The following PFKFB3 variants were observed in gnomAD, a reference collection of about 807,000 sequenced individuals.
PFKFB3 encodes the protein 6-phosphofructo-2-kinase/fructose-2,6-biphosphatase 3, also known as 6-phosphofructo-2-kinase/fructose-2,6-bisphosphatase 3.
In PFKFB3, 33 loss-of-function variants were observed where a neutral mutation model predicts 68.0. The ratio of observed to expected loss-of-function variants is 0.49; its 90% CI spans 0.37 to 0.65. The LOEUF (loss-of-function observed/expected upper bound fraction) is 0.65, where lower values mean the gene tolerates loss of function less well. Among genes scored for constraint, PFKFB3 ranks in the 30% least tolerant of loss-of-function variants. The pLI, the probability that PFKFB3 is intolerant of heterozygous loss-of-function variation, is 0.00. For missense variants in PFKFB3, 586 were observed against 712.2 expected, an observed-to-expected ratio of 0.82 and a Z score of 2.02; for synonymous variants, 315 against 288.2, an observed-to-expected ratio of 1.09 and a Z score of -0.94.
the PFKFB3 span, among the ~76,000 whole-genome samples, chr10:6,261,893 A>C: frequency 1.3e-5 from 2 of 152,132 alleles, no homozygotes; most frequent in African/African-American, 4.8e-5. Flanking sequence ...TATACTCAGG[A>C]AGCTGAGGCA....
At chr10:6,145,040 GC>G (rs1239033131) in intron 1 of PFKFB3, 8 of 1,317,686 alleles carry the variant, frequency 6.1e-6, no homozygotes, top group South Asian at 2.0e-5. Flanking sequence ...CGCGGCCCAC[GC>G]CCCCAGCGCG....
chr10:6,186,322 G>A (rs1295248497), intron 1 of PFKFB3, among the ~76,000 whole-genome samples: 1 of 152,130 alleles, frequency 6.6e-6, no homozygotes, highest in Non-Finnish European at 1.5e-5. Flanking sequence ...CTCAGCAAAG[G>A]GGTAGATGGG....
chr10:6,267,035 G>T, the PFKFB3 span, among the ~76,000 whole-genome samples: 3 of 152,192 alleles, frequency 2.0e-5, no homozygotes, highest in Non-Finnish European at 4.4e-5. Context: ...TTGTCATGTT[G>T]TTTTTTAAAA....
chr10:6,267,284 G>C, the PFKFB3 span, among the ~76,000 whole-genome samples: 1 of 152,238 alleles, frequency 6.6e-6, no homozygotes, highest in African/African-American at 2.4e-5. Flanking sequence ...TTCACCGCTT[G>C]ATAACGCTCA....
At chr10:6,225,717 C>T (rs1361413897) in intron 13 of PFKFB3, among the ~76,000 whole-genome samples, 1 of 150,096 alleles carries the variant, frequency 6.7e-6, no homozygotes, top group South Asian at 2.1e-4. Context: ...GCCAGGGTGC[C>T]CTTTGTGTAG....
At chr10:6,204,090 A>T (rs117442469) in intron 1 of PFKFB3, among the ~76,000 whole-genome samples, 6,257 of 152,188 alleles carry the variant, frequency 0.041, 163 homozygotes, top group East Asian at 0.13. Context: ...GGTGCTCGGA[A>T]TTGGCTGGCA....
intron 1 of PFKFB3, among the ~76,000 whole-genome samples, chr10:6,175,041 C>T (rs1042229147): frequency 6.6e-6 from 1 of 152,080 alleles, no homozygotes; most frequent in Non-Finnish European, 1.5e-5. Context: ...GTCTTGAATT[C>T]CTGACCCCAA....
intron 1 of PFKFB3, among the ~76,000 whole-genome samples, chr10:6,188,072 C>CGTGT (rs1307682740): frequency 2.0e-5 from 3 of 150,412 alleles, no homozygotes; most frequent in South Asian, 2.1e-4. Flanking sequence ...TATGTGTGTA[C>CGTGT]GTGTGCGTGT....
upstream of PFKFB3, among the ~76,000 whole-genome samples, chr10:6,200,662 GGGGGGGGGGGGGGCGGGGGGTGGTGGT>G (rs1843310884): frequency 4.4e-4 from 1 of 2,290 alleles, no homozygotes; most frequent in Non-Finnish European, 1.2e-3. Flanking sequence ...TAAGGAGCGG[GGGGGGGGGGGGGGCGGGGGGTGGTGGT>G]GGGGCGGGGA....
intron 14 of PFKFB3, chr10:6,231,567 A>G (rs1246574420): frequency 1.0e-6 from 1 of 985,204 alleles, no homozygotes; most frequent in East Asian, 1.1e-4. Flanking sequence ...CATCGCCATC[A>G]CCTGTGGGTG....
chr10:6,206,930 C>A (rs1396275654), intron 1 of PFKFB3, among the ~76,000 whole-genome samples: 8 of 142,472 alleles, frequency 5.6e-5, no homozygotes, highest in African/African-American at 2.1e-4. Context: ...GGCGGCCAGG[C>A]AGAGACACTC....
the PFKFB3 span, among the ~76,000 whole-genome samples, chr10:6,262,473 A>G: frequency 3.3e-5 from 5 of 151,188 alleles, no homozygotes; most frequent in Non-Finnish European, 5.9e-5. Flanking sequence ...AAAAAAAAAA[A>G]AAAAAAGCTG....
chr10:6,193,616 G>C (rs1049521223), intron 1 of PFKFB3, among the ~76,000 whole-genome samples: 1 of 152,202 alleles, frequency 6.6e-6, no homozygotes, highest in South Asian at 2.1e-4. Context: ...GAGCAACAAG[G>C]CTGTTGATTT....
chr10:6,267,529 T>C, the PFKFB3 span, among the ~76,000 whole-genome samples: 5,661 of 152,312 alleles, frequency 0.037, 248 homozygotes, highest in South Asian at 0.18. Flanking sequence ...GAAAGTGCGG[T>C]GTCTCGGGGC....
chr10:6,221,625 C>T lies in PFKFB3; in HGVS notation c.979-16C>T. 4 of 1,609,592 alleles carry T rather than the reference C, an allele frequency of 2.5e-6. No individual in the cohort carries two copies. Among genetic ancestry groups the T allele is most frequent in the Non-Finnish European group, 3.4e-6 (4 of 1,178,090 alleles). On this transcript the variant is annotated splice_polypyrimidine_tract_variant and intron_variant, in intron 9 of 14. Transcript: ENST00000379775. ...CCTGTGGTTTGTTCCCCTGAGTGACCACTGGGTCCCCGCAGGGCGTCTGTG... is the reference window on the plus strand; with the variant it reads ...CCTGTGGTTTGTTCCCCTGAGTGACTACTGGGTCCCCGCAGGGCGTCTGTG...
At chr10:6,189,168 A>G (rs1331044822) in intron 1 of PFKFB3, among the ~76,000 whole-genome samples, 1 of 151,902 alleles carries the variant, frequency 6.6e-6, no homozygotes, top group Non-Finnish European at 1.5e-5. Flanking sequence ...CTAATATTCA[A>G]TTGTCTGTAA....
upstream of PFKFB3, chr10:6,197,871 T>A (rs868353677): frequency 1.3e-5 from 2 of 152,230 alleles, no homozygotes; most frequent in South Asian, 2.1e-4. Context: ...TACATAGGAA[T>A]CTTATATCTC....
intron 1 of PFKFB3, among the ~76,000 whole-genome samples, chr10:6,165,848 T>G (rs1842117973): frequency 6.6e-6 from 1 of 151,770 alleles, no homozygotes; most frequent in Non-Finnish European, 1.5e-5. Context: ...AGAACCTCAC[T>G]CTGTCGCCCA....
At chr10:6,307,693 C>T in the PFKFB3 span, among the ~76,000 whole-genome samples, 3 of 152,136 alleles carry the variant, frequency 2.0e-5, no homozygotes, top group East Asian at 1.9e-4. Flanking sequence ...GAGGCTCCAC[C>T]GTCTGGTGCC....
Sources: allele counts gnomAD v4.1 joint callset (sites outside exome capture counted in the v4.1 genomes callset), GRCh38; gene constraint gnomAD v4.1.1; transcripts MANE v1.5; gene names NCBI Gene and HGNC (gene_info 2026-07-23, HGNC 2026-07-21).